The following FCHSD2 variants were observed in gnomAD, a reference collection of about 807,000 sequenced individuals.
FCHSD2 encodes the protein F-BAR and double SH3 domains protein 2.
FCHSD2 carries 38 observed loss-of-function variants against 108.1 expected under a neutral mutation model. The ratio of observed to expected loss-of-function variants is 0.35; its 90% CI spans 0.27 to 0.46. The LOEUF (loss-of-function observed/expected upper bound fraction) is 0.46. Ranked by LOEUF, FCHSD2 falls within the 20% of genes least tolerant of loss-of-function variation. The pLI is 1.00. For missense variants in FCHSD2, 751 were observed against 897.8 expected (o/e 0.84, Z 2.09); for synonymous variants, 279 against 314.7 (o/e 0.89, Z 1.20).
chr11:73,078,721 G>A (rs1591536255), intron 3 of FCHSD2, among the ~76,000 whole-genome samples: 1 of 151,962 alleles, frequency 6.6e-6, no homozygotes, highest in African/African-American at 2.4e-5. Flanking sequence ...GGGGGATAGG[G>A]GATTGTTCTT....
chr11:72,880,381 C>A (rs1224755615), intron 12 of FCHSD2, among the ~76,000 whole-genome samples: 1 of 152,060 alleles, frequency 6.6e-6, no homozygotes, highest in Non-Finnish European at 1.5e-5. Context: ...ACCAAAACAG[C>A]ATGGTATTGT....
chr11:72,923,690 C>T (rs1303106897), intron 8 of FCHSD2, among the ~76,000 whole-genome samples: 1 of 152,012 alleles, frequency 6.6e-6, no homozygotes, highest in Non-Finnish European at 1.5e-5. Context: ...GCCTGTAATC[C>T]CAGCACTTTG....
intron 3 of FCHSD2, among the ~76,000 whole-genome samples, chr11:73,082,717 T>C (rs1859725188): frequency 6.6e-6 from 1 of 152,258 alleles, no homozygotes; most frequent in African/African-American, 2.4e-5. Flanking sequence ...CAATCTCCCA[T>C]ATTTTAAAAT....
intron 2 of FCHSD2, among the ~76,000 whole-genome samples, chr11:73,088,079 C>T (rs1048690524): frequency 6.6e-6 from 1 of 152,118 alleles, no homozygotes; most frequent in African/African-American, 2.4e-5. Flanking sequence ...TGCTATGTTC[C>T]CTAGGCTGGT....
intron 4 of FCHSD2, among the ~76,000 whole-genome samples, chr11:73,010,693 G>A (rs991596237): frequency 6.6e-6 from 1 of 152,220 alleles, no homozygotes; most frequent in African/African-American, 2.4e-5. Flanking sequence ...GTGGTTTCAG[G>A]TGCAGTTATT....
At chr11:72,954,196 AT>A (rs57517075) in intron 8 of FCHSD2, among the ~76,000 whole-genome samples, 69,910 of 111,796 alleles carry the variant, frequency 0.63, 25,435 homozygotes, top group South Asian at 0.83. Context: ...AGATGTGGGG[AT>A]TTTTTTTTTT....
intron 4 of FCHSD2, among the ~76,000 whole-genome samples, chr11:73,014,890 C>G (rs1857936901): frequency 6.6e-6 from 1 of 152,024 alleles, no homozygotes; most frequent in Non-Finnish European, 1.5e-5. Context: ...GTCGCCCAGG[C>G]TGGAGTGCAG....
rs781648537 is a variant in FCHSD2, at chr11:73,001,076, G to A, written c.301C>T (p.Arg101Trp). 3 of 1,613,070 alleles carry A rather than the reference G, an allele frequency of 1.9e-6. No homozygotes were observed. Among genetic ancestry groups the A allele is most frequent in the Non-Finnish European group, 1.7e-6 (2 of 1,179,398 alleles). Residue 101 changes from arginine to tryptophan, a missense_variant, in exon 5 of 20, where the codon CGG (arginine) becomes TGG (tryptophan). Physicochemically the swap from Arg to Trp is moderately radical, Grantham distance 101. Coordinates refer to ENST00000409418, the MANE Select transcript of FCHSD2 (RefSeq NM_014824.3). ...LEGTMQVAQS[R>W]MNICENYKNF... is the part of the protein sequence containing the mutation. ...TTATAGTTTTCACATATATTCATCC[G>A]AGACTGGGCTACCTGCATTGTTCCC...
At chr11:72,958,641 A>C (rs1198204939) in intron 8 of FCHSD2, among the ~76,000 whole-genome samples, 1 of 152,204 alleles carries the variant, frequency 6.6e-6, no homozygotes, top group Non-Finnish European at 1.5e-5. Flanking sequence ...ATCAGTTTCG[A>C]CCTCAAGTTC....
At chr11:73,116,979 G>A (rs563434210) in intron 2 of FCHSD2, among the ~76,000 whole-genome samples, 1 of 151,610 alleles carries the variant, frequency 6.6e-6, no homozygotes, top group East Asian at 1.9e-4. Flanking sequence ...TTATATCTCT[G>A]TTTCATTTTT....
At chr11:72,852,556 C>T (rs1323563772) in intron 13 of FCHSD2, among the ~76,000 whole-genome samples, 1 of 151,906 alleles carries the variant, frequency 6.6e-6, no homozygotes, top group African/African-American at 2.4e-5. Flanking sequence ...CCCAGCTATT[C>T]AGGAGGCTGA....
intron 18 of FCHSD2, among the ~76,000 whole-genome samples, chr11:72,841,233 C>T (rs1166566879): frequency 6.8e-6 from 1 of 146,374 alleles, no homozygotes; most frequent in Non-Finnish European, 1.5e-5. Flanking sequence ...ACTAGGGAGG[C>T]TGAGGCAGGA....
intron 1 of FCHSD2, among the ~76,000 whole-genome samples, chr11:73,140,995 G>A (rs1406114542): frequency 6.6e-6 from 1 of 152,230 alleles, no homozygotes; most frequent in Non-Finnish European, 1.5e-5. Context: ...TGAGTTAGGC[G>A]TTAGGCAAAT....
At chr11:72,995,846 G>A (rs1857510913) in intron 5 of FCHSD2, among the ~76,000 whole-genome samples, 1 of 151,976 alleles carries the variant, frequency 6.6e-6, no homozygotes, top group Admixed American at 6.6e-5. Context: ...TCCTACAAAT[G>A]ATTAGGTTCT....
intron 2 of FCHSD2, among the ~76,000 whole-genome samples, chr11:73,113,783 G>A (rs2135549375): frequency 6.6e-6 from 1 of 152,298 alleles, no homozygotes; most frequent in South Asian, 2.1e-4. Context: ...TGTAATCTAA[G>A]CCACATCTGC....
chr11:73,084,975 A>T (rs1467032343), intron 2 of FCHSD2, among the ~76,000 whole-genome samples: 2 of 151,816 alleles, frequency 1.3e-5, no homozygotes, highest in Non-Finnish European at 2.9e-5. Context: ...AAAAAAAAAA[A>T]GGAAAGCACT....
At chr11:73,098,425 G>C (rs1379326617) in intron 2 of FCHSD2, among the ~76,000 whole-genome samples, 1 of 151,972 alleles carries the variant, frequency 6.6e-6, no homozygotes, top group East Asian at 1.9e-4. Context: ...ATATGATTTT[G>C]ATCTTTTAAA....
intron 3 of FCHSD2, among the ~76,000 whole-genome samples, chr11:73,072,924 G>C (rs1254345757): frequency 6.6e-6 from 1 of 152,182 alleles, no homozygotes; most frequent in African/African-American, 2.4e-5. Flanking sequence ...AGGTGCAACA[G>C]TATAAATACC....
chr11:72,842,836 A>T lies in FCHSD2; in HGVS notation c.1711T>A (p.Phe571Ile). The T allele has an allele frequency of 6.2e-7, 1 of 1,613,300 alleles. No individual in the cohort carries two copies. Among genetic ancestry groups the T allele is most frequent in the South Asian group, 1.1e-5 (1 of 91,056 alleles). The stretch of plus-strand genomic sequence containing the variant: ...TCATAATCATAAAGTGCTTTCACAA[A>T]ACATACTAGGGAGCAAGAGAAAAAC... Reference protein sequence around the residue: ...GSLNGDASVCFVKALYDYEGQ... With the variant: ...GSLNGDASVCIVKALYDYEGQ... The change falls in exon 17 of 20, where the codon TTT (phenylalanine) becomes ATT (isoleucine). Residue 571 changes from phenylalanine to isoleucine, a missense_variant. Phe to Ile is a conservative substitution (Grantham distance 21, BLOSUM62 0). Transcript: ENST00000409418.
Sources: allele counts gnomAD v4.1 joint callset (sites outside exome capture counted in the v4.1 genomes callset), GRCh38; gene constraint gnomAD v4.1.1; transcripts MANE v1.5; gene names NCBI Gene and HGNC (gene_info 2026-07-23, HGNC 2026-07-21).